The following CRHR2 variants were observed in gnomAD, a reference collection of about 807,000 sequenced individuals.
CRHR2 encodes the protein corticotropin releasing hormone receptor 2, also known as corticotropin-releasing hormone receptor 2.
In CRHR2, 53 loss-of-function variants were observed where a neutral mutation model predicts 57.9. The ratio of observed to expected loss-of-function variants is 0.92; its 90% CI spans 0.73 to 1.15. The LOEUF is 1.15. Among genes scored for constraint, CRHR2 ranks in the 50% most tolerant of loss-of-function variants. CRHR2 has a pLI of 0.00. For synonymous variants in CRHR2, 213 were observed against 220.9 expected, an observed-to-expected ratio of 0.96 and a Z score of 0.32; for missense variants, 532 against 542.6, an observed-to-expected ratio of 0.98 and a Z score of 0.19.
In CRHR2 at chr7:30,662,208, A is replaced by G. The variant is rs969207442; in HGVS notation, c.706T>C (p.Phe236Leu). 3 of 1,614,020 alleles carry G rather than the reference A, an allele frequency of 1.9e-6. No individual in the cohort carries two copies. Among genetic ancestry groups the G allele is most frequent in the Non-Finnish European group, 1.7e-6 (2 of 1,180,012 alleles). ...ATGGCCCAGGCGACGATGATGGGGAAGGGGATGCCTGAAAGAAGGAAAGAC... is the reference window on the plus strand; with the variant it reads ...ATGGCCCAGGCGACGATGATGGGGAGGGGGATGCCTGAAAGAAGGAAAGAC... Reference protein sequence around the residue: ...LFLFIGWCIPFPIIVAWAIGK... With the variant: ...LFLFIGWCIPLPIIVAWAIGK... The change falls in exon 7 of 12, where the codon TTC becomes CTC. Residue 236 changes from phenylalanine (F) to leucine (L), a missense_variant. Physicochemically the swap from Phe to Leu is conservative, Grantham distance 22. Transcript: ENST00000471646.
At chr7:30,686,417 G>A, upstream of CRHR2, 2 of 1,534,238 alleles carry the variant, frequency 1.3e-6, no homozygotes, top group South Asian at 1.2e-5. Context: ...GAAAGCCCAG[G>A]TCCCTGTCTT....
chr7:30,683,959 T>A (rs910832766), upstream of CRHR2, among the ~76,000 whole-genome samples: 1 of 152,186 alleles, frequency 6.6e-6, no homozygotes, highest in African/African-American at 2.4e-5. Flanking sequence ...GCCTCCATAT[T>A]AATGGTGCTG....
At chr7:30,691,972 C>T (rs1241073166) in intron 1 of CRHR2, among the ~76,000 whole-genome samples, 2 of 152,196 alleles carry the variant, frequency 1.3e-5, no homozygotes, top group Non-Finnish European at 2.9e-5. Context: ...TTGAGAAGAG[C>T]TGTCAGAGTG....
chr7:30,668,886 C>T (rs984984526), intron 2 of CRHR2, among the ~76,000 whole-genome samples: 1 of 152,198 alleles, frequency 6.6e-6, no homozygotes, highest in Non-Finnish European at 1.5e-5. Context: ...AAGCCTGCTC[C>T]CCACCCCTAG....
Position 30,682,454 on chromosome 7 carries a change from A to C in CRHR2, c.-174T>G, listed in dbSNP as rs1784754227. ...CACCTCCGGTCGCCCAGAGCTGTCA[A>C]GTGGGGACCTTCCCGGAGAGGAGCC... On this transcript the variant is annotated 5_prime_UTR_variant, in exon 1 of 12. Coordinates refer to ENST00000471646, the MANE Select transcript of CRHR2 (RefSeq NM_001883.5). The C allele has an allele frequency of 2.2e-6, 3 of 1,340,398 alleles. No homozygotes were observed. In the Admixed American group the frequency reaches 1.2e-4, roughly 55 times the overall value. The allele number at this position is 1,340,398 out of a possible 1,614,324, so 83.0% of individuals were successfully genotyped here. A position where few individuals can be genotyped will look rare whatever the true frequency, so the allele number is the denominator to read the frequency against.
exon 1 of CRHR2, chr7:30,700,046 T>G: frequency 7.2e-7 from 1 of 1,391,344 alleles, no homozygotes; most frequent in Non-Finnish European, 9.3e-7. Context: ...CAGTAGTGGC[T>G]GGGGGTTAGG....
chr7:30,679,812 A>G (rs1480313129), intron 2 of CRHR2, among the ~76,000 whole-genome samples: 1 of 152,174 alleles, frequency 6.6e-6, no homozygotes, highest in Non-Finnish European at 1.5e-5. Flanking sequence ...ACTGATGTGA[A>G]GAAAGGGGAG....
chr7:30,677,905 AC>A (rs1784568482), intron 2 of CRHR2, among the ~76,000 whole-genome samples: 1 of 152,248 alleles, frequency 6.6e-6, no homozygotes, highest in South Asian at 2.1e-4. Context: ...TCCCAACTCT[AC>A]AAAAAATTTA....
chr7:30,668,321 T>G (rs1425584061), intron 2 of CRHR2, among the ~76,000 whole-genome samples: 2 of 152,018 alleles, frequency 1.3e-5, no homozygotes, highest in African/African-American at 4.8e-5. Context: ...GGCCCGGAGC[T>G]CTCGAAGCCT....
At chr7:30,681,894 G>T (rs771848006) in intron 2 of CRHR2, 21 bp downstream of exon 2, 2 of 1,604,536 alleles carry the variant, frequency 1.2e-6, no homozygotes, top group Non-Finnish European at 1.7e-6. Flanking sequence ...AGAGCAGGCA[G>T]CGAGGGCCGG....
intron 1 of CRHR2, among the ~76,000 whole-genome samples, chr7:30,694,903 GAGA>G (rs1483456694): frequency 1.9e-4 from 25 of 133,582 alleles, no homozygotes; most frequent in Admixed American, 1.5e-3. Context: ...ATGATGAGGA[GAGA>G]AGAAGGGGTC....
At chr7:30,662,432 G>GAGCC (rs1784041030) in intron 6 of CRHR2, among the ~76,000 whole-genome samples, 1 of 152,230 alleles carries the variant, frequency 6.6e-6, no homozygotes, top group Non-Finnish European at 1.5e-5. Flanking sequence ...TAGAGAAGTA[G>GAGCC]AGCCAGCCAG....
rs749457701 is a variant in CRHR2 at position 30,681,975 on chromosome 7, C to G, written c.169G>C (p.Gly57Arg). 1.9e-6 allele frequency: 3 copies of G among 1,610,586 alleles called. No individual in the cohort carries two copies. Among genetic ancestry groups the G allele is most frequent in the East Asian group, 4.5e-5 (2 of 44,762 alleles). ...IGTCWPRSAA[G>R]ALVERPCPEY... The stretch of plus-strand genomic sequence containing the variant: ...GGGCACGGCCTCTCCACGAGGGCTC[C>G]GGCAGCGCTGCGGGGCCAGCACGTT... Residue 57 changes from glycine (G) to arginine (R), a missense_variant, in exon 2 of 12, where the codon GGA becomes CGA. Transcript: ENST00000471646.
upstream of CRHR2, chr7:30,686,362 A>C (rs1018330127): frequency 5.9e-6 from 9 of 1,516,298 alleles, no homozygotes; most frequent in Non-Finnish European, 7.9e-6. Flanking sequence ...ACTTCAGCCC[A>C]GTGAGTCACT....
At chr7:30,676,863 C>T (rs2128146432) in intron 2 of CRHR2, among the ~76,000 whole-genome samples, 1 of 152,358 alleles carries the variant, frequency 6.6e-6, no homozygotes. Flanking sequence ...GGACCCCTAA[C>T]CTCCCCATGT....
intron 1 of CRHR2, chr7:30,699,871 C>CACT: frequency 7.8e-7 from 1 of 1,274,250 alleles, no homozygotes; most frequent in Non-Finnish European, 1.0e-6. Flanking sequence ...GAGACCCCCG[C>CACT]CCCTAGTCAT....
chr7:30,662,906 C>A, intron 5 of CRHR2, 59 bp from the exon 6 acceptor site: 1 of 1,575,290 alleles, frequency 6.3e-7, no homozygotes. Flanking sequence ...AGGACATACC[C>A]ATCCCCAGGC....
At chr7:30,695,962 C>T (rs984561414) in intron 1 of CRHR2, among the ~76,000 whole-genome samples, 4 of 151,948 alleles carry the variant, frequency 2.6e-5, no homozygotes, top group Non-Finnish European at 5.9e-5. Context: ...CATGATAGGC[C>T]CTGTAGGGCT....
intron 2 of CRHR2, among the ~76,000 whole-genome samples, chr7:30,688,484 AAGG>A (rs1358690488): frequency 6.6e-6 from 1 of 152,196 alleles, no homozygotes; most frequent in Admixed American, 6.5e-5. Context: ...GCCCCAGTGG[AAGG>A]AGAACAGGCA....
Sources: gnomAD v4.1 joint callset for allele counts (sites outside exome capture counted in the v4.1 genomes callset) on GRCh38, gnomAD v4.1.1 for gene constraint, MANE v1.5 for transcripts, NCBI Gene and HGNC (gene_info 2026-07-23, HGNC 2026-07-21) for gene names.